The following RHEB variants were observed in gnomAD, a reference collection of about 807,000 sequenced individuals.
RHEB encodes GTP-binding protein Rheb.
In RHEB, 2 loss-of-function variants were observed where a neutral mutation model predicts 28.8. The ratio of observed to expected loss-of-function variants is 0.07; its 90% CI spans 0.03 to 0.22. RHEB has a LOEUF of 0.22. Ranked by LOEUF, RHEB falls within the 10% of genes least tolerant of loss-of-function variation. RHEB has a pLI of 1.00. For synonymous variants in RHEB, 69 were observed against 77.3 expected, an observed-to-expected ratio of 0.89 and a Z score of 0.56; for missense variants, 76 against 219.9, an observed-to-expected ratio of 0.35 and a Z score of 4.14.
At chr7:151,513,646 A>G (rs1285847882) in intron 1 of RHEB, among the ~76,000 whole-genome samples, 2 of 152,254 alleles carry the variant, frequency 1.3e-5, no homozygotes, top group Non-Finnish European at 2.9e-5. Context: ...GGAGTTGGGC[A>G]AATTCATCAA....
intron 1 of RHEB, 127 bp downstream of exon 1, chr7:151,519,333 A>T: frequency 3.4e-6 from 2 of 582,362 alleles, no homozygotes; most frequent in Non-Finnish European, 4.8e-6. Flanking sequence ...TGGTTACGAA[A>T]CGCGCGGCCC....
rs934596315 is a variant in RHEB at position 151,518,919 on chromosome 7, C to T, written c.52+541G>A. 2.6e-5 allele frequency: 4 copies of T among 152,346 alleles called. No homozygotes were observed. The East Asian group carries it at 7.7e-4, about 29-fold the overall frequency. 9.4% of individuals were successfully genotyped at this position (152,346 alleles called of 1,614,324 possible). ...ATGCAGAAAACTTGCGTTCAGTGCC[C>T]AAACGTCCTCTAAATCCCTAGTTTT... is the stretch of plus-strand genomic sequence containing the variant. On this transcript the variant is annotated intron_variant, in intron 1 of 7. Coordinates refer to ENST00000262187, the MANE Select transcript of RHEB (RefSeq NM_005614.4).
intron 4 of RHEB, among the ~76,000 whole-genome samples, chr7:151,474,048 T>TA (rs1584847989): frequency 6.6e-6 from 1 of 152,184 alleles, no homozygotes; most frequent in East Asian, 1.9e-4. Flanking sequence ...CAGCAGTGGG[T>TA]GAACTCATAT....
chr7:151,476,544 G>A (rs975001937), intron 4 of RHEB, among the ~76,000 whole-genome samples: 1 of 152,146 alleles, frequency 6.6e-6, no homozygotes, highest in Non-Finnish European at 1.5e-5. Context: ...TTCTTTCCAC[G>A]TAAAGTGGGA....
At chr7:151,469,405 G>T (rs748455681) in intron 7 of RHEB, among the ~76,000 whole-genome samples, 4 of 152,218 alleles carry the variant, frequency 2.6e-5, no homozygotes, top group Non-Finnish European at 5.9e-5. Context: ...GATCCAGAGG[G>T]GGTCAACAAG....
At chr7:151,477,788 T>G (rs912039431) in intron 3 of RHEB, among the ~76,000 whole-genome samples, 1 of 152,190 alleles carries the variant, frequency 6.6e-6, no homozygotes, top group Non-Finnish European at 1.5e-5. Flanking sequence ...TGCTGATTTA[T>G]CCCATAAATC....
At chr7:151,516,800 TGGA>T (rs1803089764) in intron 1 of RHEB, among the ~76,000 whole-genome samples, 1 of 152,060 alleles carries the variant, frequency 6.6e-6, no homozygotes, top group Non-Finnish European at 1.5e-5. Context: ...AAGAAAGGTG[TGGA>T]GGCTTTTTAT....
intron 1 of RHEB, chr7:151,518,124 C>T (rs1016425159): frequency 1.3e-5 from 2 of 152,316 alleles, no homozygotes; most frequent in African/African-American, 4.8e-5. Flanking sequence ...CTATGCATCC[C>T]CTCGGATTCA....
intron 1 of RHEB, among the ~76,000 whole-genome samples, chr7:151,495,484 G>T (rs1448016151): frequency 6.6e-6 from 1 of 152,100 alleles, no homozygotes; most frequent in Non-Finnish European, 1.5e-5. Context: ...TTTTTCCAAT[G>T]ATAAAATGGC....
At chr7:151,470,774 C>T (rs1342280353) in intron 6 of RHEB, 122 bp from the exon 7 acceptor site, 4 of 635,394 alleles carry the variant, frequency 6.3e-6, no homozygotes, top group Non-Finnish European at 1.1e-5. Flanking sequence ...AGAACCATGC[C>T]CTGGCCTAAC....
At chr7:151,509,218 T>G (rs1242268418) in intron 1 of RHEB, among the ~76,000 whole-genome samples, 1 of 152,144 alleles carries the variant, frequency 6.6e-6, no homozygotes, top group African/African-American at 2.4e-5. Context: ...GAGGGTATGC[T>G]TGGTCAAATC....
chr7:151,489,504 T>A (rs1802540885), intron 2 of RHEB, among the ~76,000 whole-genome samples: 1 of 152,192 alleles, frequency 6.6e-6, no homozygotes, highest in African/African-American at 2.4e-5. Context: ...AACCAACAGG[T>A]TTCCTTCTCT....
At chr7:151,481,130 C>CTT (rs11296574) in intron 3 of RHEB, among the ~76,000 whole-genome samples, 9 of 144,060 alleles carry the variant, frequency 6.2e-5, no homozygotes, top group African/African-American at 7.5e-5. Context: ...GAAGAGGCTA[C>CTT]TTTTTTTTTT....
At chr7:151,518,374 C>A (rs546001862) in intron 1 of RHEB, among the ~76,000 whole-genome samples, 1 of 152,196 alleles carries the variant, frequency 6.6e-6, no homozygotes, top group Non-Finnish European at 1.5e-5. Flanking sequence ...CAGATAGTCA[C>A]CCCGTTCCGC....
At chr7:151,488,263 T>G (rs1802518879) in intron 2 of RHEB, among the ~76,000 whole-genome samples, 1 of 152,222 alleles carries the variant, frequency 6.6e-6, no homozygotes, top group African/African-American at 2.4e-5. Context: ...AATATGTGGT[T>G]TTATTAATAT....
At chr7:151,500,393 T>C (rs1802752842) in intron 1 of RHEB, among the ~76,000 whole-genome samples, 1 of 152,120 alleles carries the variant, frequency 6.6e-6, no homozygotes, top group Non-Finnish European at 1.5e-5. Flanking sequence ...CTAAAGTAAT[T>C]AAGACAGTGT....
intron 1 of RHEB, among the ~76,000 whole-genome samples, chr7:151,509,080 TC>T (rs1802939542): frequency 6.6e-6 from 1 of 152,088 alleles, no homozygotes; most frequent in East Asian, 1.9e-4. Flanking sequence ...CAACTCCCCC[TC>T]CCAGCAAGCA....
chr7:151,479,748 A>G (rs1802349302), intron 3 of RHEB, among the ~76,000 whole-genome samples: 1 of 152,086 alleles, frequency 6.6e-6, no homozygotes, highest in South Asian at 2.1e-4. Context: ...ATGGCTGCAA[A>G]CCCCTCAAAT....
chr7:151,496,256 G>T (rs1802669981), intron 1 of RHEB, among the ~76,000 whole-genome samples: 1 of 152,074 alleles, frequency 6.6e-6, no homozygotes, highest in Non-Finnish European at 1.5e-5. Context: ...CACCTCCTGA[G>T]CACACCAAGA....
Sources: allele counts gnomAD v4.1 joint callset (sites outside exome capture counted in the v4.1 genomes callset), GRCh38; gene constraint gnomAD v4.1.1; transcripts MANE v1.5; gene names NCBI Gene and HGNC (gene_info 2026-07-23, HGNC 2026-07-21).